The following CDH22 variants were observed in gnomAD, a reference collection of about 807,000 sequenced individuals.
The protein encoded by CDH22 is cadherin 22.
In CDH22, 30 loss-of-function variants were observed where a neutral mutation model predicts 58.4. The observed-to-expected ratio is 0.51, with a 90% CI of 0.38 to 0.70. CDH22 has a LOEUF of 0.70. Ranked by LOEUF, CDH22 falls within the 30% of genes least tolerant of loss-of-function variation. The probability of loss-of-function intolerance (pLI) is 0.00; values close to 1 mark genes in which losing one functional copy is unlikely to be tolerated. For missense variants in CDH22, 1,014 were observed against 1,233.9 expected, an observed-to-expected ratio of 0.82 and a Z score of 2.67; for synonymous variants, 513 against 558.2, an observed-to-expected ratio of 0.92 and a Z score of 1.14.
intron 2 of CDH22, among the ~76,000 whole-genome samples, chr20:46,248,406 C>T (rs1568672947): frequency 6.6e-6 from 1 of 152,196 alleles, no homozygotes; most frequent in African/African-American, 2.4e-5. Flanking sequence ...ATGCATCAGT[C>T]CTTCCCTGTC....
intron 1 of CDH22, among the ~76,000 whole-genome samples, chr20:46,287,220 C>A (rs1205144908): frequency 6.6e-6 from 1 of 152,180 alleles, no homozygotes; most frequent in Non-Finnish European, 1.5e-5. Flanking sequence ...ACAGTAGCTA[C>A]CTCACACGGT....
intron 10 of CDH22, among the ~76,000 whole-genome samples, chr20:46,182,473 A>G (rs1464502299): frequency 1.3e-5 from 2 of 152,252 alleles, no homozygotes; most frequent in African/African-American, 4.8e-5. Context: ...GCTCAGCTTC[A>G]GATTGCCAAG....
intron 1 of CDH22, among the ~76,000 whole-genome samples, chr20:46,296,878 C>T (rs1465434024): frequency 6.6e-6 from 1 of 152,206 alleles, no homozygotes. Flanking sequence ...CTTCTCCCAG[C>T]CCGTAAGACG....
chr20:46,217,962 T>G (rs2086097958), intron 4 of CDH22, among the ~76,000 whole-genome samples: 2 of 152,072 alleles, frequency 1.3e-5, no homozygotes, highest in African/African-American at 4.8e-5. Context: ...AATCTCACTT[T>G]GTTGCCCAGG....
intron 2 of CDH22, among the ~76,000 whole-genome samples, chr20:46,249,013 CAACA>C (rs1004034729): frequency 2.6e-5 from 4 of 152,188 alleles, no homozygotes; most frequent in Non-Finnish European, 2.9e-5. Context: ...AAAACAGCAA[CAACA>C]AACAAACAAG....
chr20:46,192,926 G>C (rs891290112), intron 8 of CDH22, among the ~76,000 whole-genome samples: 2 of 151,746 alleles, frequency 1.3e-5, no homozygotes, highest in African/African-American at 4.9e-5. Flanking sequence ...CCCCCCCCCA[G>C]TGGGAGCAGG....
chr20:46,259,904 A>G (rs2086424548), intron 1 of CDH22, among the ~76,000 whole-genome samples: 1 of 152,248 alleles, frequency 6.6e-6, no homozygotes, highest in African/African-American at 2.4e-5. Flanking sequence ...TATGGGAAAT[A>G]CAAAGGACAT....
chr20:46,217,797 A>G (rs2086096438), intron 4 of CDH22, among the ~76,000 whole-genome samples: 1 of 152,098 alleles, frequency 6.6e-6, no homozygotes, highest in South Asian at 2.1e-4. Flanking sequence ...ACATTCACAC[A>G]TACTCTCAAA....
At chr20:46,181,752 C>CTTCGTTCGTTCCTTCTTTCT in intron 10 of CDH22, among the ~76,000 whole-genome samples, 2 of 26,262 alleles carry the variant, frequency 7.6e-5, no homozygotes, top group African/African-American at 1.3e-4. Context: ...TCCTTCCTTC[C>CTTCGTTCGTTCCTTCTTTCT]TTCTTTCTTT....
At position 46,277,453 on chromosome 20, in the gene CDH22, C is replaced by G. The variant is rs536437158; in HGVS notation, c.-399-25760G>C. ...CTATTTTTGCAAAAAATGAATAAGG[C>G]AATAACTGGTTGGTAAGATTTTAAG... On this transcript the variant is annotated intron_variant, in intron 1 of 11. Coordinates refer to ENST00000537909, the MANE Select transcript of CDH22 (RefSeq NM_021248.3). Among the ~76,000 whole-genome samples the G allele has an allele frequency of 3.9e-5, 6 of 152,274 alleles. No individual in the cohort carries two copies. In the South Asian group the frequency reaches 1.2e-3, roughly 32 times the overall value.
Position 46,225,868 on chromosome 20 carries a change from A to G in CDH22, c.670+1640T>C, listed in dbSNP as rs184927593. On this transcript the variant is annotated intron_variant, in intron 4 of 11. Coordinates refer to ENST00000537909, the MANE Select transcript of CDH22 (RefSeq NM_021248.3). ...ATTACTTTTTTGGGGAGAAAAAATA[A>G]TGAAGATACTTTGTGTGAGAAAATA... is the stretch of plus-strand genomic sequence containing the variant. 6.6e-5 allele frequency among the ~76,000 whole-genome samples: 10 copies of G among 152,254 alleles called. No individual in the cohort carries two copies. The East Asian group carries it at 1.9e-3, about 29-fold the overall frequency.
rs772568351 is a variant in CDH22 at position 46,178,171 on chromosome 20, G to A, written c.1690C>T (p.His564Tyr). ...QDNTAAVHTQ[H>Y]VGFNRQEQDV... ...TGCTCCTGCCGGTTGAAGCCCACGT[G>A]CTGCGTGTGCACTGCAGCGGTGTTG... The change falls in exon 11 of 12, where the codon CAC (histidine) becomes TAC (tyrosine). Residue 564 changes from histidine (H) to tyrosine (Y), a missense_variant. Around this residue, in one of 2 missense-constraint regions of CDH22, gnomAD observed 806 missense variants for 1,038.7 expected, o/e 0.78. Coordinates refer to ENST00000537909, the MANE Select transcript of CDH22 (RefSeq NM_021248.3). 1 of 1,613,962 alleles carries A rather than the reference G, an allele frequency of 6.2e-7. No individual in the cohort carries two copies. Among genetic ancestry groups the A allele is most frequent in the Non-Finnish European group, 8.5e-7 (1 of 1,179,974 alleles).
intron 10 of CDH22, among the ~76,000 whole-genome samples, chr20:46,184,013 C>T (rs1482659155): frequency 6.6e-6 from 1 of 152,174 alleles, no homozygotes; most frequent in Non-Finnish European, 1.5e-5. Context: ...TCCTTTAGGT[C>T]CCTTCTCACT....
chr20:46,283,774 T>C (rs2086561699), intron 1 of CDH22, among the ~76,000 whole-genome samples: 1 of 151,790 alleles, frequency 6.6e-6, no homozygotes, highest in East Asian at 1.9e-4. Flanking sequence ...CCCGGGCCTT[T>C]CTGCACTTTT....
intron 10 of CDH22, among the ~76,000 whole-genome samples, chr20:46,182,401 A>G (rs994277581): frequency 1.3e-5 from 2 of 152,216 alleles, no homozygotes; most frequent in Non-Finnish European, 2.9e-5. Flanking sequence ...TAGGTGTGAG[A>G]TAATAGTAGT....
intron 2 of CDH22, among the ~76,000 whole-genome samples, chr20:46,248,893 G>A (rs1353291049): frequency 3.3e-5 from 5 of 152,110 alleles, no homozygotes; most frequent in Non-Finnish European, 5.9e-5. Flanking sequence ...CATGCCACTC[G>A]CCCACTCTAT....
intron 1 of CDH22, among the ~76,000 whole-genome samples, chr20:46,282,659 T>C (rs1025628607): frequency 5.3e-5 from 8 of 152,172 alleles, no homozygotes; most frequent in Admixed American, 3.9e-4. Flanking sequence ...ATGAATTATT[T>C]ATAATTCAAT....
At chr20:46,307,143 G>A (rs947933328) in intron 1 of CDH22, among the ~76,000 whole-genome samples, 2 of 152,234 alleles carry the variant, frequency 1.3e-5, no homozygotes, top group Non-Finnish European at 2.9e-5. Context: ...GGCGACGCCC[G>A]AAGGGTTTGG....
At chr20:46,240,469 G>A (rs2086281339) in intron 3 of CDH22, among the ~76,000 whole-genome samples, 1 of 152,120 alleles carries the variant, frequency 6.6e-6, no homozygotes, top group Non-Finnish European at 1.5e-5. Context: ...GCCAAGGGCT[G>A]CGCTGTGTCT....
Sources: gnomAD v4.1 joint callset for allele counts (sites outside exome capture counted in the v4.1 genomes callset) on GRCh38, gnomAD v4.1.1 for gene constraint, gnomAD v4.1.1 regional missense constraint, MANE v1.5 for transcripts, NCBI Gene and HGNC (gene_info 2026-07-23, HGNC 2026-07-21) for gene names.